Variants in SGSM3 observed in about 807,000 individuals in gnomAD.
SGSM3 encodes the protein RUN and SH3 containing 3.
Under a neutral mutation model 100.5 loss-of-function variants are expected in SGSM3, and 96 were observed. That is an observed-to-expected ratio of 0.96 (90% CI 0.81 to 1.13). SGSM3 has a LOEUF of 1.13. SGSM3 is among the 50% of genes most tolerant of loss of function. The pLI is 0.00. For missense variants in SGSM3, 1,001 were observed against 1,015.8 expected (o/e 0.99, Z 0.20); for synonymous variants, 483 against 422.8 (o/e 1.14, Z -1.75).
At chr22:40,395,759 C>G (rs1192497100) in intron 1 of SGSM3, among the ~76,000 whole-genome samples, 2 of 152,220 alleles carry the variant, frequency 1.3e-5, no homozygotes, top group African/African-American at 4.8e-5. Context: ...TGTGGCCACT[C>G]CCATTCTCAT....
Position 40,409,368 on chromosome 22 carries a change from C to T in SGSM3, c.2107C>T (p.Leu703Phe), listed in dbSNP as rs944713243. 6.2e-7 allele frequency: 1 copy of T among 1,601,388 alleles called. No individual in the cohort carries two copies. The highest frequency in any genetic ancestry group is 8.5e-7 in the Non-Finnish European group (1 of 1,173,462). Reference protein sequence around the residue: ...SPGWVQIKCELRVLCCFAFSL... With the variant: ...SPGWVQIKCEFRVLCCFAFSL... ...GGGCTGGGTCCAGATCAAGTGTGAG[C>T]TCCGGTGAGGACCTTACTGGGCTTG... Residue 703 changes from leucine to phenylalanine, a missense_variant, in exon 20 of 22, where the codon CTC (leucine) becomes TTC (phenylalanine). By Grantham distance (22) the Leu-to-Phe change is conservative. Coordinates refer to ENST00000248929, the MANE Select transcript of SGSM3 (RefSeq NM_015705.6).
Position 40,406,173 on chromosome 22 carries a change from G to A in SGSM3, c.910G>A (p.Glu304Lys), listed in dbSNP as rs780477111. The A allele has an allele frequency of 9.3e-6, 15 of 1,614,012 alleles. No homozygotes were observed. The highest frequency in any genetic ancestry group is 2.2e-5 in the East Asian group (1 of 44,890). The change falls in exon 9 of 22, where the codon GAG becomes AAG. Residue 304 changes from glutamate to lysine, a missense_variant. Physicochemically the swap from Glu to Lys is moderately conservative, Grantham distance 56. Transcript: ENST00000248929. Reference protein sequence around the residue: ...LLRIWDLFFYEGSRVLFQLTL... With the variant: ...LLRIWDLFFYKGSRVLFQLTL... Reference sequence around the variant, plus strand: ...GCGCATCTGGGACCTGTTTTTCTACGAGGGCTCCCGGGTGCTGTTCCAGCT... The same window carrying A: ...GCGCATCTGGGACCTGTTTTTCTACAAGGGCTCCCGGGTGCTGTTCCAGCT...
At chr22:40,382,782 G>A (rs900276106) in intron 1 of SGSM3, among the ~76,000 whole-genome samples, 1 of 152,184 alleles carries the variant, frequency 6.6e-6, no homozygotes, top group African/African-American at 2.4e-5. Flanking sequence ...GGATCTCCAT[G>A]CCAAGCATGT....
Position 40,401,676 on chromosome 22 carries a change from G to T in SGSM3, c.90+1G>T. ...GGAGATCTTGGCCAAGTACACGCAG[G>T]TATAGCAGTTAGCCAGGCACCAGCC... On this transcript the variant is annotated splice_donor_variant, in intron 3 of 21. Transcript: ENST00000248929. LOFTEE classifies it high-confidence loss of function. The T allele has an allele frequency of 1.2e-6, 2 of 1,612,008 alleles. No individual in the cohort carries two copies. Among genetic ancestry groups the T allele is most frequent in the South Asian group, 1.1e-5 (1 of 91,052 alleles).
chr22:40,407,344 C>T lies in SGSM3; in HGVS notation c.1368+16C>T. The stretch of plus-strand genomic sequence containing the variant: ...CTGCAGCGTGGTGAGTCGCCAGCTC[C>T]CTGGGCTGCTACCAAACACGGCCCT... On this transcript the variant is annotated intron_variant, in intron 12 of 21. Transcript: ENST00000248929. This position sits in a 1 kb window ranked among gnomAD's most constrained non-coding sequence, Gnocchi z 4.7. The T allele has an allele frequency of 1.2e-6, 2 of 1,613,266 alleles. No homozygotes were observed. Among genetic ancestry groups the T allele is most frequent in the Admixed American group, 1.7e-5 (1 of 60,020 alleles).
intron 1 of SGSM3, among the ~76,000 whole-genome samples, chr22:40,398,660 G>A (rs2050350280): frequency 1.4e-5 from 2 of 141,022 alleles, no homozygotes; most frequent in Non-Finnish European, 3.1e-5. Context: ...GATGAATATC[G>A]GCAATTTAAT....
At chr22:40,399,790 G>A (rs9607715) in intron 1 of SGSM3, among the ~76,000 whole-genome samples, 5,095 of 152,290 alleles carry the variant, frequency 0.033, 130 homozygotes, top group Non-Finnish European at 0.055. Context: ...TCTGCCATCT[G>A]GTTCTCAGCA....
chr22:40,408,635 C>A lies in SGSM3; in HGVS notation c.1791C>A (p.Gly597=). The A allele has an allele frequency of 2.5e-6, 4 of 1,613,970 alleles. No homozygotes were observed. The South Asian group carries it at 3.3e-5, about 13-fold the overall frequency. Residue 597 remains glycine (G), a synonymous_variant, in exon 17 of 22, where the codon GGC becomes GGA. Coordinates refer to ENST00000248929, the MANE Select transcript of SGSM3 (RefSeq NM_015705.6). ...GTGTGCTGTCCCCACAGGCTGCAGG[C>A]CGGGAGGTCGAGAGAGACTTTGCCT... The part of the protein sequence containing the change: ...HPWLFIEEAA[G]REVERDFASV...
intron 1 of SGSM3, among the ~76,000 whole-genome samples, chr22:40,391,637 G>A (rs530545269): frequency 8.5e-5 from 13 of 152,124 alleles, no homozygotes; most frequent in East Asian, 5.8e-4. Context: ...AGTTGTGTTC[G>A]TGTAATTACA....
Position 40,400,689 on chromosome 22 carries a change from C to T in SGSM3, c.-111-7C>T. 1.0e-6 allele frequency: 1 copy of T among 987,404 alleles called. No individual in the cohort carries two copies. The allele number at this position is 987,404 out of a possible 1,614,324, so 61.2% of individuals were successfully genotyped here. A position where few individuals can be genotyped will look rare whatever the true frequency, so the allele number is the denominator to read the frequency against. On this transcript the variant is annotated splice_polypyrimidine_tract_variant and splice_region_variant and intron_variant, in intron 1 of 21. Transcript: ENST00000248929. ...TAGAATGACTTTCCTCTTTTCTCTTCTAACAGGGCAGATGATTCTGGACCA... is the reference window on the plus strand; with the variant it reads ...TAGAATGACTTTCCTCTTTTCTCTTTTAACAGGGCAGATGATTCTGGACCA...
At chr22:40,406,384 C>T (rs1950810972) in intron 9 of SGSM3, 54 bp from the exon 10 acceptor site, 1 of 1,501,536 alleles carries the variant, frequency 6.7e-7, no homozygotes, top group Non-Finnish European at 9.0e-7. Context: ...CAGCTCAGTG[C>T]CACGTCCCTG....
chr22:40,391,218 A>C (rs1040767507), intron 1 of SGSM3, among the ~76,000 whole-genome samples: 4 of 152,158 alleles, frequency 2.6e-5, no homozygotes, highest in African/African-American at 9.7e-5. Context: ...CTCAGGTCCT[A>C]CTCACACCTG....
intron 1 of SGSM3, among the ~76,000 whole-genome samples, chr22:40,388,503 G>A (rs2048826537): frequency 6.6e-6 from 1 of 152,182 alleles, no homozygotes; most frequent in Non-Finnish European, 1.5e-5. Context: ...AGTAGCAGGG[G>A]CTGCTAGGTC....
At chr22:40,397,835 A>G (rs2050233274) in intron 1 of SGSM3, among the ~76,000 whole-genome samples, 1 of 152,082 alleles carries the variant, frequency 6.6e-6, no homozygotes, top group African/African-American at 2.4e-5. Flanking sequence ...CCTAACCCAT[A>G]TTCTAAAGAG....
intron 1 of SGSM3, chr22:40,373,031 A>T (rs551772911): frequency 1.2e-4 from 18 of 152,312 alleles, no homozygotes; most frequent in African/African-American, 4.3e-4. Flanking sequence ...CATATTATAC[A>T]CAGACTTAGG....
intron 1 of SGSM3, among the ~76,000 whole-genome samples, chr22:40,383,872 G>A (rs2047993508): frequency 1.3e-5 from 2 of 152,186 alleles, no homozygotes; most frequent in South Asian, 4.1e-4. Flanking sequence ...CTGGATTAAG[G>A]CAGTGGAAAT....
At chr22:40,377,904 A>G (rs999358348) in intron 1 of SGSM3, among the ~76,000 whole-genome samples, 3 of 152,026 alleles carry the variant, frequency 2.0e-5, no homozygotes, top group Non-Finnish European at 4.4e-5. Context: ...GAGGAGAGAA[A>G]TCTTGGAGAA....
chr22:40,406,104 T>TGA lies in SGSM3; in HGVS notation c.841_842insGA (p.Phe281Ter). ...GCTGTCCCTGATCACACTGCACTGG[T>TGA]TCCTCACGGCCTTCGCCAGCGTGGT... ...IELSLITLHW[F>*]LTAFASVVDI... The change falls in exon 9 of 22, where the codon TTC becomes TGATC. Residue 281 changes from phenylalanine (F) to a stop codon, truncating the protein, a stop_gained and frameshift_variant. Coordinates refer to ENST00000248929, the MANE Select transcript of SGSM3 (RefSeq NM_015705.6). LOFTEE classifies it high-confidence loss of function. 6.2e-7 allele frequency: 1 copy of TGA among 1,614,058 alleles called. No individual in the cohort carries two copies. The highest frequency in any genetic ancestry group is 2.2e-5 in the East Asian group (1 of 44,884).
intron 7 of SGSM3, 118 bp from the exon 8 acceptor site, chr22:40,405,531 T>G (rs1602078535): frequency 1.0e-6 from 1 of 1,000,452 alleles, no homozygotes; most frequent in African/African-American, 1.6e-5. Context: ...AAGGCCTGGG[T>G]TCCAGCATGC....
Sources: gnomAD v4.1 joint callset for allele counts (sites outside exome capture counted in the v4.1 genomes callset) on GRCh38, gnomAD v4.1.1 for gene constraint, Gnocchi (gnomAD v3.1) non-coding constraint, MANE v1.5 for transcripts, NCBI Gene and HGNC (gene_info 2026-07-23, HGNC 2026-07-21) for gene names.